The following PLPPR1 variants were observed in gnomAD, a reference collection of about 807,000 sequenced individuals.
PLPPR1 encodes the protein phospholipid phosphatase-related protein type 1.
A neutral mutation model predicts 33.1 loss-of-function variants in PLPPR1; 10 were observed. The ratio of observed to expected loss-of-function variants is 0.30; its 90% CI spans 0.19 to 0.51. PLPPR1 has a LOEUF of 0.51. PLPPR1 is among the 20% of genes least tolerant of loss of function. The probability of loss-of-function intolerance (pLI) is 0.97; values close to 1 mark genes in which losing one functional copy is unlikely to be tolerated. For synonymous variants in PLPPR1, 151 were observed against 151.0 expected (o/e 1.00, Z 0.00); for missense variants, 304 against 408.1 (o/e 0.74, Z 2.20).
intron 2 of PLPPR1, among the ~76,000 whole-genome samples, chr9:101,253,966 A>G (rs552358199): frequency 2.0e-5 from 3 of 151,928 alleles, no homozygotes; most frequent in Non-Finnish European, 4.4e-5. Context: ...TCTGTTTTTC[A>G]CTTAATGGTT....
At chr9:101,203,335 A>G (rs1310510666) in intron 2 of PLPPR1, among the ~76,000 whole-genome samples, 1 of 152,138 alleles carries the variant, frequency 6.6e-6, no homozygotes, top group Non-Finnish European at 1.5e-5. Context: ...ACCAAGCTAT[A>G]TAGGATTTAA....
chr9:101,323,834 C>T lies in PLPPR1; in HGVS notation c.946-191C>T, dbSNP rs1415655384. Among the ~76,000 whole-genome samples the T allele has an allele frequency of 3.3e-5, 5 of 151,906 alleles. No homozygotes were observed. The South Asian group carries it at 6.2e-4, about 19-fold the overall frequency. On this transcript the variant is annotated intron_variant, in intron 7 of 7. Coordinates refer to ENST00000374874, the MANE Select transcript of PLPPR1 (RefSeq NM_207299.2). The stretch of plus-strand genomic sequence containing the variant: ...AGCCTGGGCAACAATTGTGAAACTC[C>T]GTCTCAAAAAATAAAATAAAAAAAC...
chr9:101,188,414 G>GT (rs553775540), intron 2 of PLPPR1, among the ~76,000 whole-genome samples: 73 of 151,624 alleles, frequency 4.8e-4, no homozygotes, highest in African/African-American at 1.4e-3. Flanking sequence ...ATATTCTGTA[G>GT]TTTTTTTTCA....
chr9:101,320,784 G>T (rs1829137463), intron 7 of PLPPR1, among the ~76,000 whole-genome samples: 1 of 152,068 alleles, frequency 6.6e-6, no homozygotes, highest in African/African-American at 2.4e-5. Flanking sequence ...TACTGTATTG[G>T]TTTTATTATA....
chr9:101,253,455 G>T (rs149869812), intron 2 of PLPPR1, among the ~76,000 whole-genome samples: 2 of 152,072 alleles, frequency 1.3e-5, no homozygotes, highest in Admixed American at 6.6e-5. Context: ...GCTGAGGCAC[G>T]AGAATTGCTT....
At chr9:101,126,510 C>G (rs1831248194) in intron 1 of PLPPR1, among the ~76,000 whole-genome samples, 1 of 152,202 alleles carries the variant, frequency 6.6e-6, no homozygotes, top group Admixed American at 6.5e-5. Flanking sequence ...TTTGTAAGGG[C>G]ACTGACTGTG....
chr9:101,183,632 C>T (rs979294450), intron 1 of PLPPR1, among the ~76,000 whole-genome samples: 4 of 151,476 alleles, frequency 2.6e-5, no homozygotes, highest in African/African-American at 9.7e-5. Context: ...GAATTGTACA[C>T]TTAAAATGAG....
chr9:101,101,334 C>A (rs57824775), intron 1 of PLPPR1, among the ~76,000 whole-genome samples: 5,884 of 151,904 alleles, frequency 0.039, 290 homozygotes, highest in South Asian at 0.19. Context: ...ATTTATCATT[C>A]TTTTATTTAG....
chr9:101,067,205 AT>A (rs1830428974), intron 1 of PLPPR1, among the ~76,000 whole-genome samples: 1 of 148,532 alleles, frequency 6.7e-6, no homozygotes, highest in African/African-American at 2.5e-5. Context: ...ACTGAACAAT[AT>A]AATATTTCTG....
intron 1 of PLPPR1, among the ~76,000 whole-genome samples, chr9:101,051,670 T>C (rs1830224225): frequency 6.6e-6 from 1 of 152,248 alleles, no homozygotes; most frequent in African/African-American, 2.4e-5. Context: ...CTTCTGCTAG[T>C]GCTTACTTCA....
In PLPPR1 at chr9:101,285,966, G is replaced by C. The variant is rs1015619847; in HGVS notation, c.253-138G>C. 170 of 604,710 alleles carry C rather than the reference G, an allele frequency of 2.8e-4. 1 individual carries two copies. Among genetic ancestry groups the C allele is most frequent in the South Asian group, 2.1e-4 (8 of 38,238 alleles). 37.5% of individuals were successfully genotyped at this position (604,710 alleles called of 1,614,324 possible). ...TTTTGAAGTGTTAAATGCAAATTAC[G>C]ATCTAATTCACCATCTCTCTCCAAC... On this transcript the variant is annotated intron_variant, in intron 3 of 7. Coordinates refer to ENST00000374874, the MANE Select transcript of PLPPR1 (RefSeq NM_207299.2).
intron 3 of PLPPR1, among the ~76,000 whole-genome samples, chr9:101,281,960 C>T (rs1299088927): frequency 6.6e-6 from 1 of 152,158 alleles, no homozygotes; most frequent in East Asian, 1.9e-4. Context: ...AGCCCAGGAG[C>T]TGACAGCTTT....
intron 1 of PLPPR1, among the ~76,000 whole-genome samples, chr9:101,094,338 T>C (rs1830787685): frequency 6.6e-6 from 1 of 152,190 alleles, no homozygotes; most frequent in African/African-American, 2.4e-5. Context: ...TACCCTCCTG[T>C]GCCTTTGCAG....
At chr9:101,232,956 C>A (rs543617309) in intron 2 of PLPPR1, among the ~76,000 whole-genome samples, 119 of 152,088 alleles carry the variant, frequency 7.8e-4, no homozygotes, top group African/African-American at 2.7e-3. Flanking sequence ...TGTGTCTGAT[C>A]CTACACTGAA....
chr9:101,064,753 A>G (rs1247799733), intron 1 of PLPPR1, among the ~76,000 whole-genome samples: 2 of 152,028 alleles, frequency 1.3e-5, no homozygotes, highest in African/African-American at 2.4e-5. Flanking sequence ...TGGGAGGTCT[A>G]AGATTGAGGG....
chr9:101,294,066 T>G (rs559905941), intron 4 of PLPPR1, among the ~76,000 whole-genome samples: 1 of 151,876 alleles, frequency 6.6e-6, no homozygotes, highest in Admixed American at 6.6e-5. Context: ...GCAAGACTAA[T>G]AAAGAAGAAA....
In PLPPR1 at chr9:101,257,033, C is replaced by T. The variant is rs78752160; in HGVS notation, c.64-12847C>T. Among the ~76,000 whole-genome samples the T allele has an allele frequency of 1.6e-3, 246 of 152,050 alleles. 2 individuals are homozygous for T. The highest frequency in any genetic ancestry group is 5.4e-3 in the African/African-American group (222 of 41,484). ...TATTCTTTATATTGATAATTTAGTG[C>T]GCCATGGGTAGAAAGTGGGGGAAGC... is the stretch of plus-strand genomic sequence containing the variant. On this transcript the variant is annotated intron_variant, in intron 2 of 7. Transcript: ENST00000374874.
At chr9:101,264,531 C>T (rs968857278) in intron 2 of PLPPR1, among the ~76,000 whole-genome samples, 1 of 152,184 alleles carries the variant, frequency 6.6e-6, no homozygotes, top group Non-Finnish European at 1.5e-5. Context: ...CTACAGAAGA[C>T]TTGTTGTTCC....
chr9:101,203,747 A>ATATATAGATATGTTATATATCTATC (rs1314672428), intron 2 of PLPPR1, among the ~76,000 whole-genome samples: 1 of 151,428 alleles, frequency 6.6e-6, no homozygotes, highest in Non-Finnish European at 1.5e-5. Context: ...ATCTATCTAT[A>ATATATAGATATGTTATATATCTATC]TATATAGACA....
Sources: gnomAD v4.1 joint callset for allele counts (sites outside exome capture counted in the v4.1 genomes callset) on GRCh38, gnomAD v4.1.1 for gene constraint, MANE v1.5 for transcripts, NCBI Gene and HGNC (gene_info 2026-07-23, HGNC 2026-07-21) for gene names.